The following MPP7 variants were observed in gnomAD, a reference collection of about 807,000 sequenced individuals.
The protein encoded by MPP7 is MAGUK p55 scaffold protein 7, also known as MAGUK p55 subfamily member 7.
In MPP7, 60 loss-of-function variants were observed where a neutral mutation model predicts 76.5. The ratio of observed to expected loss-of-function variants is 0.78; its 90% CI spans 0.64 to 0.97. MPP7 has a LOEUF of 0.97. MPP7 is among the 50% of genes least tolerant of loss of function. MPP7 has a pLI of 0.00. For synonymous variants in MPP7, 237 were observed against 244.5 expected (o/e 0.97, Z 0.29); for missense variants, 641 against 694.0 (o/e 0.92, Z 0.86).
chr10:28,323,431 C>G (rs1176961305), intron 2 of MPP7, among the ~76,000 whole-genome samples: 1 of 150,316 alleles, frequency 6.7e-6, no homozygotes, highest in Non-Finnish European at 1.5e-5. Flanking sequence ...CTAGCCTAGG[C>G]AGCAGAGTGA....
intron 3 of MPP7, among the ~76,000 whole-genome samples, chr10:28,199,352 C>A (rs1234542628): frequency 6.6e-6 from 1 of 152,090 alleles, no homozygotes; most frequent in African/African-American, 2.4e-5. Context: ...CTCATGCTCA[C>A]CGTTTTTATT....
chr10:28,059,848 T>C, intron 13 of MPP7, 105 bp from the exon 14 acceptor site: 1 of 755,408 alleles, frequency 1.3e-6, no homozygotes, highest in East Asian at 2.7e-5. Context: ...CAACAGGATT[T>C]AAAAATGTAT....
At chr10:28,293,694 G>T (rs902696805) in intron 1 of MPP7, among the ~76,000 whole-genome samples, 1 of 152,200 alleles carries the variant, frequency 6.6e-6, no homozygotes, top group Non-Finnish European at 1.5e-5. Flanking sequence ...GCAGCTCCGC[G>T]TCACAGGTCC....
At chr10:28,258,643 G>C (rs1337064458) in intron 1 of MPP7, among the ~76,000 whole-genome samples, 1 of 151,670 alleles carries the variant, frequency 6.6e-6, no homozygotes, top group Non-Finnish European at 1.5e-5. Flanking sequence ...CAAATGATCT[G>C]CCCACTTCAG....
chr10:28,176,711 T>C (rs1210678000), intron 3 of MPP7, among the ~76,000 whole-genome samples: 1 of 151,922 alleles, frequency 6.6e-6, no homozygotes, highest in East Asian at 1.9e-4. Flanking sequence ...CACTCCAGCC[T>C]GAGCAACAGA....
chr10:28,238,558 G>A lies in MPP7; in HGVS notation c.37+10C>T, dbSNP rs1839155670. The A allele has an allele frequency of 2.5e-6, 4 of 1,613,688 alleles. No homozygotes were observed. Among genetic ancestry groups the A allele is most frequent in the African/African-American group, 1.3e-5 (1 of 74,878 alleles). On this transcript the variant is annotated intron_variant, in intron 2 of 16. Coordinates refer to ENST00000683449, the MANE Select transcript of MPP7 (RefSeq NM_001318170.2). ...ATGGAATGAGAACTGCCCCTCTTGG[G>A]GTCACATACCAGTGTCACTCCCAGA...
intron 3 of MPP7, among the ~76,000 whole-genome samples, chr10:28,200,834 A>G (rs1159036432): frequency 6.6e-6 from 1 of 152,208 alleles, no homozygotes; most frequent in Non-Finnish European, 1.5e-5. Flanking sequence ...ATACAAATGA[A>G]TATGCATCCA....
At chr10:28,062,255 A>G (rs1046757407) in intron 13 of MPP7, among the ~76,000 whole-genome samples, 2 of 152,306 alleles carry the variant, frequency 1.3e-5, no homozygotes, top group South Asian at 2.1e-4. Flanking sequence ...AATGGCTGCC[A>G]GGTTTCTGTA....
chr10:28,299,558 A>G (rs1371186491), intron 1 of MPP7, among the ~76,000 whole-genome samples: 1 of 152,218 alleles, frequency 6.6e-6, no homozygotes, highest in African/African-American at 2.4e-5. Context: ...TGTGAGAATT[A>G]CCAAAATATG....
chr10:28,211,309 G>A (rs868629741), intron 2 of MPP7, among the ~76,000 whole-genome samples: 3 of 151,900 alleles, frequency 2.0e-5, no homozygotes, highest in Admixed American at 6.6e-5. Flanking sequence ...CCCCTCTAAC[G>A]ACTTACAATC....
chr10:28,315,641 T>C (rs1564771079), intron 2 of MPP7, among the ~76,000 whole-genome samples: 4 of 152,184 alleles, frequency 2.6e-5, no homozygotes. Context: ...AAAATATGTA[T>C]GTTGCTGAGA....
intron 2 of MPP7, among the ~76,000 whole-genome samples, chr10:28,314,995 A>T (rs917937443): frequency 4.6e-5 from 7 of 151,970 alleles, no homozygotes; most frequent in African/African-American, 1.7e-4. Flanking sequence ...AAAAAATATA[A>T]AAATTAGCCA....
intron 5 of MPP7, among the ~76,000 whole-genome samples, chr10:28,145,964 C>T (rs1352742892): frequency 1.3e-5 from 2 of 152,182 alleles, no homozygotes; most frequent in African/African-American, 2.4e-5. Context: ...TTGAAACACT[C>T]TTGAACCAAA....
At chr10:28,140,729 G>GA (rs1473616876) in intron 5 of MPP7, among the ~76,000 whole-genome samples, 1 of 151,944 alleles carries the variant, frequency 6.6e-6, no homozygotes, top group Non-Finnish European at 1.5e-5. Flanking sequence ...AGTTTCCTAG[G>GA]AAAAAATAAA....
intron 3 of MPP7, among the ~76,000 whole-genome samples, chr10:28,167,594 C>T (rs1836526972): frequency 6.6e-6 from 1 of 152,090 alleles, no homozygotes; most frequent in Admixed American, 6.5e-5. Flanking sequence ...TGTAACAAAC[C>T]TACACGCGTA....
At chr10:28,055,248 T>C (rs899523128) in intron 16 of MPP7, among the ~76,000 whole-genome samples, 3 of 152,200 alleles carry the variant, frequency 2.0e-5, no homozygotes, top group African/African-American at 7.2e-5. Context: ...AATTTAATTT[T>C]AGTGTTGATC....
At position 28,318,031 on chromosome 10, in the gene MPP7, G is replaced by A. The variant is rs113028805; in HGVS notation, c.-132+11898C>T. Among the ~76,000 whole-genome samples the A allele has an allele frequency of 8.5e-5, 13 of 152,260 alleles. No individual in the cohort carries two copies. The East Asian group carries it at 1.9e-3, about 23-fold the overall frequency. ...ATATGCTGTTGTTCCGGGTGCCATC[G>A]CCTATTATGAGCATGTGTCATCTAT... On this transcript the variant is annotated intron_variant, in intron 2 of 11. Coordinates refer to the MPP7 transcript ENST00000441595.
chr10:28,198,874 T>A (rs1301468288), intron 3 of MPP7, among the ~76,000 whole-genome samples: 1 of 152,168 alleles, frequency 6.6e-6, no homozygotes, highest in Non-Finnish European at 1.5e-5. Flanking sequence ...CCCTAGTTCA[T>A]GTGAATTCTG....
intron 13 of MPP7, among the ~76,000 whole-genome samples, 174 bp downstream of exon 13, chr10:28,069,598 A>T (rs1335901893): frequency 2.1e-5 from 3 of 140,600 alleles, no homozygotes; most frequent in Non-Finnish European, 4.5e-5. Flanking sequence ...GTGAGACTCC[A>T]TCTCAAAAAA....
Sources: allele counts gnomAD v4.1 joint callset (sites outside exome capture counted in the v4.1 genomes callset), GRCh38; gene constraint gnomAD v4.1.1; transcripts MANE v1.5; gene names NCBI Gene and HGNC (gene_info 2026-07-23, HGNC 2026-07-21).